The following ARHGAP26 variants were observed in gnomAD, a reference collection of about 807,000 sequenced individuals.
The protein encoded by ARHGAP26 is Rho GTPase activating protein 26.
In ARHGAP26, 38 loss-of-function variants were observed where a neutral mutation model predicts 104.8. That is an observed-to-expected ratio of 0.36 (90% CI 0.28 to 0.48). ARHGAP26 has a LOEUF of 0.48. Among genes scored for constraint, ARHGAP26 ranks in the 20% least tolerant of loss-of-function variants. The probability of loss-of-function intolerance (pLI) is 0.99; values close to 1 mark genes in which losing one functional copy is unlikely to be tolerated. For synonymous variants in ARHGAP26, 341 were observed against 340.0 expected, an observed-to-expected ratio of 1.00 and a Z score of -0.03; for missense variants, 704 against 947.9, an observed-to-expected ratio of 0.74 and a Z score of 3.38.
chr5:142,988,284 G>T (rs1775068211), intron 11 of ARHGAP26, among the ~76,000 whole-genome samples: 1 of 152,196 alleles, frequency 6.6e-6, no homozygotes. Context: ...GCATAGAGGT[G>T]TTTATAGTAT....
chr5:143,128,260 CAAAT>C (rs1796939708), intron 18 of ARHGAP26, among the ~76,000 whole-genome samples: 1 of 152,132 alleles, frequency 6.6e-6, no homozygotes, highest in Non-Finnish European at 1.5e-5. Context: ...TAATATTACT[CAAAT>C]AAAGGTGGAG....
chr5:142,799,765 A>T (rs1761694765), intron 1 of ARHGAP26, among the ~76,000 whole-genome samples: 3 of 152,216 alleles, frequency 2.0e-5, no homozygotes, highest in Admixed American at 2.0e-4. Context: ...TAAGGAACCC[A>T]TTCCTGTGAT....
intron 17 of ARHGAP26, among the ~76,000 whole-genome samples, chr5:143,098,168 T>G (rs1320773980): frequency 1.3e-5 from 2 of 152,202 alleles, no homozygotes; most frequent in Admixed American, 6.5e-5. Context: ...CTTTAAATTC[T>G]TGTTCTACAG....
chr5:142,884,050 A>G (rs1046727905), intron 4 of ARHGAP26, among the ~76,000 whole-genome samples: 3 of 152,228 alleles, frequency 2.0e-5, no homozygotes, highest in Non-Finnish European at 4.4e-5. Flanking sequence ...TTGCAGAAAA[A>G]CATCCCTATG....
At chr5:143,198,417 G>A (rs150656264) in intron 20 of ARHGAP26, among the ~76,000 whole-genome samples, 24 of 152,210 alleles carry the variant, frequency 1.6e-4, no homozygotes, top group African/African-American at 4.6e-4. Flanking sequence ...CCTGAAATGC[G>A]GTATTGGAAA....
Position 142,771,477 on chromosome 5 carries a change from T to C in ARHGAP26, c.154+562T>C, listed in dbSNP as rs74719160. 1,760 of 1,146,854 alleles carry C rather than the reference T, an allele frequency of 1.5e-3. 21 individuals carry two copies. In the African/African-American group the frequency reaches 0.025, roughly 16 times the overall value. 71.0% of individuals were successfully genotyped at this position (1,146,854 alleles called of 1,614,324 possible). On this transcript the variant is annotated intron_variant, in intron 1 of 22. Coordinates refer to ENST00000645722, the MANE Select transcript of ARHGAP26 (RefSeq NM_001135608.3). ...GGTTAGCTTGCGATTCCTTGGAGTATTGGCAGCCAGTAATCTCTAAATCTG... is the reference window on the plus strand; with the variant it reads ...GGTTAGCTTGCGATTCCTTGGAGTACTGGCAGCCAGTAATCTCTAAATCTG...
intron 11 of ARHGAP26, among the ~76,000 whole-genome samples, chr5:142,941,511 T>C (rs1175176286): frequency 6.6e-6 from 1 of 152,210 alleles, no homozygotes; most frequent in Admixed American, 6.5e-5. Flanking sequence ...TTCATATTAT[T>C]TTGTTTGCGT....
Position 143,207,279 on chromosome 5 carries a change from AT to A in ARHGAP26, c.2071del (p.Ser691ProfsTer54). ...SAPSSPMPTS[S>X]TSSDSSPVST... The stretch of plus-strand genomic sequence containing the variant: ...CGCCATCCAGCCCTATGCCCACCTC[AT>A]CCACGTCCAGCGACTCATCCCCCGT... On this transcript the variant is annotated frameshift_variant, in exon 21 of 23. Coordinates refer to ENST00000645722, the MANE Select transcript of ARHGAP26 (RefSeq NM_001135608.3). LOFTEE classifies it high-confidence loss of function. The A allele has an allele frequency of 6.2e-7, 1 of 1,613,576 alleles. No individual in the cohort carries two copies. Among genetic ancestry groups the A allele is most frequent in the Non-Finnish European group, 8.5e-7 (1 of 1,179,850 alleles).
chr5:143,071,374 G>A (rs962750290), intron 17 of ARHGAP26, among the ~76,000 whole-genome samples: 1 of 152,186 alleles, frequency 6.6e-6, no homozygotes. Flanking sequence ...ACTTACTGGG[G>A]AAAGGATAAT....
At chr5:142,817,800 G>A (rs1006554367) in intron 1 of ARHGAP26, among the ~76,000 whole-genome samples, 2 of 152,160 alleles carry the variant, frequency 1.3e-5, no homozygotes, top group Non-Finnish European at 2.9e-5. Flanking sequence ...GGTTGTATCA[G>A]CATTATTTTT....
intron 1 of ARHGAP26, among the ~76,000 whole-genome samples, chr5:142,785,895 C>A (rs1010959515): frequency 1.3e-5 from 2 of 152,100 alleles, no homozygotes; most frequent in African/African-American, 4.8e-5. Flanking sequence ...CCACACACCC[C>A]CATCATTTGT....
intron 1 of ARHGAP26, among the ~76,000 whole-genome samples, chr5:142,857,628 A>G (rs1402217682): frequency 1.3e-5 from 2 of 149,510 alleles, no homozygotes; most frequent in African/African-American, 2.4e-5. Context: ...AAATAGCTAA[A>G]ATAATTAATG....
intron 20 of ARHGAP26, among the ~76,000 whole-genome samples, chr5:143,177,609 G>A (rs956475196): frequency 1.3e-5 from 2 of 152,156 alleles, no homozygotes; most frequent in African/African-American, 4.8e-5. Context: ...GATCTGGCTG[G>A]CACTGCTGTC....
At chr5:142,981,746 C>T (rs905396489) in intron 11 of ARHGAP26, among the ~76,000 whole-genome samples, 5 of 152,182 alleles carry the variant, frequency 3.3e-5, no homozygotes, top group East Asian at 1.9e-4. Flanking sequence ...TTCTCCAGAA[C>T]GCTCAGCCCA....
intron 1 of ARHGAP26, among the ~76,000 whole-genome samples, chr5:142,778,467 AT>A (rs1756815397): frequency 6.6e-6 from 1 of 152,096 alleles, no homozygotes; most frequent in South Asian, 2.1e-4. Context: ...AAATGGGATT[AT>A]ACTATAAGGA....
At chr5:142,934,765 A>AT (rs200889210) in intron 11 of ARHGAP26, among the ~76,000 whole-genome samples, 13,221 of 133,252 alleles carry the variant, frequency 0.099, 825 homozygotes, top group East Asian at 0.31. Flanking sequence ...GTGTTGGTGG[A>AT]TTTTTTTTTT....
At chr5:143,214,121 CGGGGG>C in intron 22 of ARHGAP26, 33 bp downstream of exon 22, 1 of 635,218 alleles carries the variant, frequency 1.6e-6, no homozygotes, top group Non-Finnish European at 2.4e-6. Flanking sequence ...AAGATATGGG[CGGGGG>C]GCGGGGGCAA....
chr5:142,859,995 CACT>C (rs1753036401), intron 1 of ARHGAP26: 1 of 152,244 alleles, frequency 6.6e-6, no homozygotes, highest in Admixed American at 6.5e-5. Flanking sequence ...AGATATAAGA[CACT>C]TACCTTGCAC....
rs759987885 is a variant in ARHGAP26, at chr5:142,770,893, G to A, written c.132G>A (p.Lys44=). ...KFIKELIKDG[K]SLISALKNLS... is the part of the protein sequence containing the mutation. ...TCAAGGAGCTCATCAAGGACGGGAA[G>A]TCACTCATAAGCGCGCTCAAGAGTG... is the stretch of plus-strand genomic sequence containing the variant. Residue 44 remains lysine, a synonymous_variant, in exon 1 of 23, where the codon AAG becomes AAA. Coordinates refer to ENST00000645722, the MANE Select transcript of ARHGAP26 (RefSeq NM_001135608.3). 1 of 1,611,024 alleles carries A rather than the reference G, an allele frequency of 6.2e-7. No individual in the cohort carries two copies. The highest frequency in any genetic ancestry group is 8.5e-7 in the Non-Finnish European group (1 of 1,178,452).
Sources: allele counts gnomAD v4.1 joint callset (sites outside exome capture counted in the v4.1 genomes callset), GRCh38; gene constraint gnomAD v4.1.1; transcripts MANE v1.5; gene names NCBI Gene and HGNC (gene_info 2026-07-23, HGNC 2026-07-21).